The following CIMIP6 variants were observed in gnomAD, a reference collection of about 807,000 sequenced individuals.
The protein encoded by CIMIP6 is ciliary microtubule inner protein 6.
At chr2:54,340,879 C>T in the CIMIP6 span, among the ~76,000 whole-genome samples, 422 of 152,204 alleles carry the variant, frequency 2.8e-3, 3 homozygotes, top group African/African-American at 9.7e-3. Flanking sequence ...GTGGGAGGAT[C>T]ACCTGAGTCC....
the CIMIP6 span, among the ~76,000 whole-genome samples, chr2:54,367,938 T>C: frequency 7.2e-4 from 110 of 152,304 alleles, no homozygotes; most frequent in African/African-American, 2.4e-3. Context: ...GTTTTAATCT[T>C]AAGTAACCTT....
chr2:54,378,214 T>C, the CIMIP6 span, among the ~76,000 whole-genome samples: 1 of 152,212 alleles, frequency 6.6e-6, no homozygotes, highest in African/African-American at 2.4e-5. Flanking sequence ...AGAGTTGCCA[T>C]TGTGGGGCAG....
chr2:54,336,676 T>C, the CIMIP6 span, among the ~76,000 whole-genome samples: 1 of 152,156 alleles, frequency 6.6e-6, no homozygotes, highest in African/African-American at 2.4e-5. Flanking sequence ...GTAAGCTGTA[T>C]TGGAATGTTA....
the CIMIP6 span, among the ~76,000 whole-genome samples, chr2:54,377,931 C>T: frequency 3.3e-5 from 5 of 152,122 alleles, no homozygotes; most frequent in Admixed American, 1.3e-4. Flanking sequence ...AAATAGAGCA[C>T]GTGTGAAGTA....
chr2:54,345,767 G>T, the CIMIP6 span, among the ~76,000 whole-genome samples: 1 of 152,132 alleles, frequency 6.6e-6, no homozygotes. Flanking sequence ...CATTAAAAGG[G>T]TCTACTGGGT....
the CIMIP6 span, chr2:54,343,673 A>C: frequency 7.1e-7 from 1 of 1,401,262 alleles, no homozygotes; most frequent in Non-Finnish European, 9.5e-7. Flanking sequence ...ATACATGAAA[A>C]TGCCCTACAG....
chr2:54,376,836 C>T, the CIMIP6 span, among the ~76,000 whole-genome samples: 1 of 152,212 alleles, frequency 6.6e-6, no homozygotes, highest in South Asian at 2.1e-4. Flanking sequence ...GTATTAGCTA[C>T]ACACCAGGGC....
chr2:54,338,009 C>T, the CIMIP6 span, among the ~76,000 whole-genome samples: 13 of 152,050 alleles, frequency 8.5e-5, no homozygotes, highest in African/African-American at 2.2e-4. Flanking sequence ...TAATGGTGTA[C>T]GCCTGTGGTC....
the CIMIP6 span, among the ~76,000 whole-genome samples, chr2:54,365,734 A>C: frequency 6.6e-6 from 1 of 152,186 alleles, no homozygotes; most frequent in Non-Finnish European, 1.5e-5. Context: ...AAATTAAACA[A>C]AAAGTATACA....
chr2:54,332,911 G>A, the CIMIP6 span, among the ~76,000 whole-genome samples: 3 of 152,298 alleles, frequency 2.0e-5, no homozygotes, highest in East Asian at 3.9e-4. Flanking sequence ...CACTTTACCA[G>A]TAATCAGTTT....
chr2:54,382,921 A>T, the CIMIP6 span: 3 of 152,192 alleles, frequency 2.0e-5, no homozygotes, highest in East Asian at 5.8e-4. Context: ...TCTTCTAATG[A>T]ACAAATACGG....
At chr2:54,364,618 C>T in the CIMIP6 span, among the ~76,000 whole-genome samples, 9 of 152,276 alleles carry the variant, frequency 5.9e-5, no homozygotes, top group East Asian at 1.9e-4. Context: ...TCTCAATAAC[C>T]GGTCCATTAA....
the CIMIP6 span, among the ~76,000 whole-genome samples, chr2:54,374,965 C>T: frequency 6.6e-6 from 1 of 152,192 alleles, no homozygotes; most frequent in African/African-American, 2.4e-5. Context: ...TTTTGCTTCA[C>T]ACATAATAGA....
the CIMIP6 span, among the ~76,000 whole-genome samples, chr2:54,352,463 T>C: frequency 6.6e-6 from 1 of 152,232 alleles, no homozygotes; most frequent in South Asian, 2.1e-4. Flanking sequence ...TTTGTATCTA[T>C]ACAAAACATC....
the CIMIP6 span, among the ~76,000 whole-genome samples, chr2:54,354,263 G>T: frequency 6.6e-6 from 1 of 152,046 alleles, no homozygotes. Context: ...TTTTTAGCTG[G>T]TCTTAATATC....
At chr2:54,383,208 C>T in the CIMIP6 span, 2 of 152,256 alleles carry the variant, frequency 1.3e-5, no homozygotes, top group Non-Finnish European at 2.9e-5. Flanking sequence ...GGAAGAGAAT[C>T]TTCCCATCTC....
chr2:54,365,566 T>G, the CIMIP6 span, among the ~76,000 whole-genome samples: 2 of 152,180 alleles, frequency 1.3e-5, no homozygotes. Context: ...AACCTCTTGC[T>G]TCTGCTCTCA....
At chr2:54,335,178 C>T in the CIMIP6 span, among the ~76,000 whole-genome samples, 5 of 152,162 alleles carry the variant, frequency 3.3e-5, 1 homozygote, top group African/African-American at 4.8e-5. Flanking sequence ...AACTATTTTG[C>T]CAGCTGACTT....
At chr2:54,377,991 A>G in the CIMIP6 span, among the ~76,000 whole-genome samples, 1 of 152,186 alleles carries the variant, frequency 6.6e-6, no homozygotes, top group Admixed American at 6.5e-5. Flanking sequence ...AGCTTAGTAC[A>G]TGTGAGTGCT....
Sources: allele counts gnomAD v4.1 joint callset (sites outside exome capture counted in the v4.1 genomes callset), GRCh38; gene constraint gnomAD v4.1.1; transcripts MANE v1.5; gene names NCBI Gene and HGNC (gene_info 2026-07-23, HGNC 2026-07-21).